Variants in SNTG1 observed in about 807,000 individuals in gnomAD.
The protein encoded by SNTG1 is syntrophin gamma 1.
Under a neutral mutation model 74.7 loss-of-function variants are expected in SNTG1, and 39 were observed. That is an observed-to-expected ratio of 0.52 (90% confidence interval 0.40 to 0.68). SNTG1 has a LOEUF of 0.68. Ranked by LOEUF, SNTG1 falls within the 30% of genes least tolerant of loss-of-function variation. The pLI is 0.00. For synonymous variants in SNTG1, 254 were observed against 217.1 expected (o/e 1.17, Z -1.49); for missense variants, 685 against 609.5 (o/e 1.12, Z -1.30).
intron 2 of SNTG1, among the ~76,000 whole-genome samples, chr8:50,230,508 C>G (rs1053030083): frequency 1.1e-4 from 17 of 151,196 alleles, no homozygotes; most frequent in African/African-American, 4.1e-4. Flanking sequence ...TGTCCAATAT[C>G]AAATACATAA....
intron 2 of SNTG1, among the ~76,000 whole-genome samples, chr8:50,210,345 A>G (rs1292386096): frequency 1.3e-5 from 2 of 152,230 alleles, no homozygotes; most frequent in Non-Finnish European, 2.9e-5. Flanking sequence ...CTAGCAAGGC[A>G]GGCCAACATT....
chr8:50,323,097 G>C (rs1472136546), intron 2 of SNTG1, among the ~76,000 whole-genome samples: 1 of 106,462 alleles, frequency 9.4e-6, no homozygotes, highest in African/African-American at 2.9e-5. Flanking sequence ...AACAGAGCAA[G>C]ACTTGTCTGG....
At chr8:50,314,902 G>C (rs2090256078) in intron 2 of SNTG1, among the ~76,000 whole-genome samples, 1 of 149,472 alleles carries the variant, frequency 6.7e-6, no homozygotes, top group Non-Finnish European at 1.5e-5. Flanking sequence ...CTGTCTACTA[G>C]GTGATCATTA....
intron 3 of SNTG1, 88 bp downstream of exon 3, chr8:50,394,353 CT>C: frequency 7.3e-7 from 1 of 1,371,950 alleles, no homozygotes; most frequent in Non-Finnish European, 1.0e-6. Flanking sequence ...GGAAATTCTG[CT>C]TTTGGCAGAA....
chr8:50,233,716 C>A (rs560980944), intron 2 of SNTG1, among the ~76,000 whole-genome samples: 6 of 108,718 alleles, frequency 5.5e-5, no homozygotes, highest in Non-Finnish European at 1.2e-4. Flanking sequence ...TTTAAAAAAA[C>A]CCACTAATTA....
chr8:50,685,654 T>C (rs1487311524), intron 15 of SNTG1, among the ~76,000 whole-genome samples: 2 of 152,144 alleles, frequency 1.3e-5, no homozygotes, highest in African/African-American at 4.8e-5. Flanking sequence ...GAAAATATTA[T>C]TATTAACAGG....
At chr8:50,766,269 C>T (rs2095613623) in intron 18 of SNTG1, among the ~76,000 whole-genome samples, 1 of 151,962 alleles carries the variant, frequency 6.6e-6, no homozygotes, top group African/African-American at 2.4e-5. Flanking sequence ...CTTTACCAGA[C>T]TTTAGATAGG....
intron 2 of SNTG1, among the ~76,000 whole-genome samples, chr8:50,338,339 A>G (rs1255928606): frequency 6.6e-6 from 1 of 152,094 alleles, no homozygotes; most frequent in Admixed American, 6.6e-5. Context: ...TACTCACATC[A>G]GTTTCTTTTA....
chr8:50,489,409 C>T (rs1008654025), intron 8 of SNTG1, among the ~76,000 whole-genome samples: 8 of 152,212 alleles, frequency 5.3e-5, no homozygotes, highest in Admixed American at 5.2e-4. Flanking sequence ...AAAAGTGTTC[C>T]TATTTCTCCA....
At chr8:50,329,278 C>T (rs116801590) in intron 2 of SNTG1, among the ~76,000 whole-genome samples, 1,527 of 152,234 alleles carry the variant, frequency 0.01, 27 homozygotes, top group African/African-American at 0.035. Flanking sequence ...CTTCTTACAG[C>T]TCCATTAGGC....
At chr8:50,673,813 T>G (rs1043088396) in intron 15 of SNTG1, among the ~76,000 whole-genome samples, 1 of 152,136 alleles carries the variant, frequency 6.6e-6, no homozygotes, top group African/African-American at 2.4e-5. Context: ...TGTTGTGGGT[T>G]TGTCACAAAT....
chr8:50,618,889 A>ATGTGTG lies in SNTG1; in HGVS notation c.849+27973_849+27974insGTGTGT, dbSNP rs766829118. ...TAGCAAGATGGAATTATATATGTGTATATGTGTGTGTGTGTGTGTGTATAT... is the reference window on the plus strand; with the variant it reads ...TAGCAAGATGGAATTATATATGTGTATGTGTGTATGTGTGTGTGTGTGTGTGTATAT... On this transcript the variant is annotated intron_variant, in intron 13 of 18. Transcript: ENST00000642720. Among the ~76,000 whole-genome samples the ATGTGTG allele has an allele frequency of 3.7e-5, 3 of 80,528 alleles. No homozygotes were observed. In the South Asian group the frequency reaches 1.2e-3, roughly 32 times the overall value. 52.8% of individuals were successfully genotyped at this position (80,528 alleles called of 152,430 possible).
Position 50,350,907 on chromosome 8 carries a change from G to A in SNTG1, c.-27-43305G>A, listed in dbSNP as rs551043793. On this transcript the variant is annotated intron_variant, in intron 2 of 18. Coordinates refer to ENST00000642720, the MANE Select transcript of SNTG1 (RefSeq NM_018967.5). ...CCAGATAAGAGAATGAAAGCAGGCC[G>A]CCCAAACCAGCAGTGGCAACCCGTA... Among the ~76,000 whole-genome samples, 29 of 152,320 alleles carry A rather than the reference G, an allele frequency of 1.9e-4. 1 individual carries two copies. Among genetic ancestry groups the A allele is most frequent in the South Asian group, 4.1e-4 (2 of 4,824 alleles).
In SNTG1 at chr8:50,674,244, G is replaced by A. The variant is rs746000322; in HGVS notation, c.1038+15581G>A. On this transcript the variant is annotated intron_variant, in intron 15 of 18. Transcript: ENST00000642720. ...TGGATTGTTTGGAATAGTTTCAGAAGGAATGGTACCAGCTCCTTTTTGTAC... is the reference window on the plus strand; with the variant it reads ...TGGATTGTTTGGAATAGTTTCAGAAAGAATGGTACCAGCTCCTTTTTGTAC... Among the ~76,000 whole-genome samples, 291 of 152,228 alleles carry A rather than the reference G, an allele frequency of 1.9e-3. 3 individuals are homozygous for A. Among genetic ancestry groups the A allele is most frequent in the Non-Finnish European group, 2.1e-3 (146 of 68,002 alleles).
intron 1 of SNTG1, among the ~76,000 whole-genome samples, chr8:49,992,243 G>C (rs1484879375): frequency 6.6e-6 from 1 of 152,180 alleles, no homozygotes; most frequent in East Asian, 1.9e-4. Context: ...TTCAGAAATG[G>C]TACCACGTTG....
At chr8:50,768,592 A>G (rs2131774075) in intron 18 of SNTG1, among the ~76,000 whole-genome samples, 1 of 152,138 alleles carries the variant, frequency 6.6e-6, no homozygotes, top group African/African-American at 2.4e-5. Flanking sequence ...ATAAAGGATC[A>G]GCTTTCAGTC....
chr8:50,473,654 G>T (rs2093671355), intron 8 of SNTG1, among the ~76,000 whole-genome samples: 1 of 152,070 alleles, frequency 6.6e-6, no homozygotes, highest in Admixed American at 6.6e-5. Flanking sequence ...ACCAAGAAGT[G>T]GTGGCAATCC....
chr8:50,228,443 A>G (rs1363056425), intron 2 of SNTG1, among the ~76,000 whole-genome samples: 1 of 151,938 alleles, frequency 6.6e-6, no homozygotes, highest in East Asian at 1.9e-4. Flanking sequence ...AATCAATGCC[A>G]AACAAAATAC....
At chr8:50,742,480 A>G (rs2095545578) in intron 17 of SNTG1, among the ~76,000 whole-genome samples, 1 of 151,956 alleles carries the variant, frequency 6.6e-6, no homozygotes, top group Non-Finnish European at 1.5e-5. Context: ...CAAACATACC[A>G]AAATATATGA....
Sources: allele counts gnomAD v4.1 joint callset (sites outside exome capture counted in the v4.1 genomes callset), GRCh38; gene constraint gnomAD v4.1.1; transcripts MANE v1.5; gene names NCBI Gene and HGNC (gene_info 2026-07-23, HGNC 2026-07-21).